HHAT: variants seen among roughly 807,000 people sequenced by gnomAD.
HHAT encodes hedgehog acyltransferase.
In HHAT, 47 loss-of-function variants were observed where a neutral mutation model predicts 70.8. The observed-to-expected ratio is 0.66, with a 90% CI of 0.53 to 0.85. HHAT has a LOEUF of 0.85. HHAT is among the 40% of genes least tolerant of loss of function. The pLI, the probability that HHAT is intolerant of heterozygous loss-of-function variation, is 0.00. For synonymous variants in HHAT, 228 were observed against 247.6 expected, an observed-to-expected ratio of 0.92 and a Z score of 0.74; for missense variants, 609 against 604.8, an observed-to-expected ratio of 1.01 and a Z score of -0.07.
intron 9 of HHAT, among the ~76,000 whole-genome samples, chr1:210,515,084 G>A (rs1342209722): frequency 6.6e-6 from 1 of 152,212 alleles, no homozygotes; most frequent in Non-Finnish European, 1.5e-5. Context: ...AGTGTTCTGT[G>A]AAGCAAGCAG....
At chr1:210,647,453 A>T (rs1674291615) in intron 11 of HHAT, among the ~76,000 whole-genome samples, 1 of 152,128 alleles carries the variant, frequency 6.6e-6, no homozygotes, top group Non-Finnish European at 1.5e-5. Flanking sequence ...TCCAGCCAGG[A>T]TGCCTATCTC....
intron 3 of HHAT, among the ~76,000 whole-genome samples, chr1:210,365,309 G>GGTT (rs2088807183): frequency 1.3e-5 from 1 of 78,420 alleles, no homozygotes; most frequent in African/African-American, 5.2e-5. Context: ...ACTGCTGACA[G>GGTT]TTTTTTTTTT....
chr1:210,351,650 C>T (rs1348666320), intron 2 of HHAT, among the ~76,000 whole-genome samples: 7 of 152,206 alleles, frequency 4.6e-5, no homozygotes, highest in African/African-American at 1.7e-4. Context: ...TGGGCTCACT[C>T]ATCCAGGGTG....
chr1:210,562,656 T>G (rs1401863946), intron 9 of HHAT, among the ~76,000 whole-genome samples: 2 of 151,590 alleles, frequency 1.3e-5, no homozygotes, highest in East Asian at 3.9e-4. Context: ...TTTTTTCTTT[T>G]CTTTTTTTTT....
intron 11 of HHAT, among the ~76,000 whole-genome samples, chr1:210,650,030 C>T (rs1026554803): frequency 3.3e-5 from 5 of 152,110 alleles, no homozygotes; most frequent in African/African-American, 1.2e-4. Context: ...AGAGTTTTTC[C>T]CCTGCCTCCC....
At chr1:210,352,482 CT>C (rs1390287206) in intron 2 of HHAT, among the ~76,000 whole-genome samples, 2 of 152,100 alleles carry the variant, frequency 1.3e-5, no homozygotes, top group Non-Finnish European at 2.9e-5. Context: ...TTACTCTGAA[CT>C]TTTTTAGGGC....
At chr1:210,562,072 G>A (rs538443843) in intron 9 of HHAT, among the ~76,000 whole-genome samples, 2 of 152,234 alleles carry the variant, frequency 1.3e-5, no homozygotes, top group East Asian at 3.9e-4. Context: ...CAGAGCACTG[G>A]TGTCATGGGC....
intron 3 of HHAT, among the ~76,000 whole-genome samples, chr1:210,364,027 C>T (rs1323854979): frequency 6.6e-6 from 1 of 152,168 alleles, no homozygotes; most frequent in Admixed American, 6.5e-5. Context: ...GCTAGGGTAG[C>T]CTGTTCCTTT....
intron 9 of HHAT, among the ~76,000 whole-genome samples, chr1:210,537,167 A>G (rs2095381669): frequency 6.6e-6 from 1 of 152,196 alleles, no homozygotes; most frequent in African/African-American, 2.4e-5. Context: ...ACTGAAAAGT[A>G]GGGCTGGACT....
intron 3 of HHAT, among the ~76,000 whole-genome samples, chr1:210,366,910 G>T (rs4845007): frequency 0.16 from 23,984 of 152,158 alleles, 2,298 homozygotes; most frequent in Admixed American, 0.25. Context: ...AGCTGAGCTT[G>T]GTGCTCATAG....
intron 8 of HHAT, among the ~76,000 whole-genome samples, chr1:210,468,310 A>G (rs1360456875): frequency 1.3e-5 from 2 of 152,064 alleles, no homozygotes; most frequent in African/African-American, 2.4e-5. Context: ...ACCTGATCCT[A>G]TTTTCGTGAT....
At chr1:210,450,248 G>A (rs993222549) in intron 7 of HHAT, among the ~76,000 whole-genome samples, 25 of 147,978 alleles carry the variant, frequency 1.7e-4, no homozygotes, top group African/African-American at 6.2e-4. Flanking sequence ...CCAAGATTGC[G>A]CCACTGCACT....
intron 10 of HHAT, among the ~76,000 whole-genome samples, chr1:210,619,691 G>A (rs1315623306): frequency 6.6e-6 from 1 of 152,106 alleles, no homozygotes; most frequent in Non-Finnish European, 1.5e-5. Flanking sequence ...ACATTGCCTT[G>A]TAGTCATTGA....
intron 5 of HHAT, among the ~76,000 whole-genome samples, chr1:210,403,533 T>G (rs1008934275): frequency 6.6e-6 from 1 of 152,216 alleles, no homozygotes; most frequent in East Asian, 1.9e-4. Flanking sequence ...TCTCCTGATA[T>G]GATTATCCTC....
chr1:210,396,366 A>T (rs907891514), intron 4 of HHAT, among the ~76,000 whole-genome samples: 1 of 152,198 alleles, frequency 6.6e-6, no homozygotes, highest in Non-Finnish European at 1.5e-5. Flanking sequence ...AGCATGATAA[A>T]TTCAAATTAA....
At chr1:210,491,274 G>T (rs2148513578) in intron 8 of HHAT, among the ~76,000 whole-genome samples, 1 of 152,222 alleles carries the variant, frequency 6.6e-6, no homozygotes, top group South Asian at 2.1e-4. Context: ...CTCTCCCTCT[G>T]TGCTGTCACA....
In HHAT at chr1:210,418,204, C is replaced by G. The variant is rs1186485219; in HGVS notation, c.735C>G (p.Ala245=). 1 of 1,614,104 alleles carries G rather than the reference C, an allele frequency of 6.2e-7. No homozygotes were observed. The highest frequency in any genetic ancestry group is 2.2e-5 in the East Asian group (1 of 44,870). Residue 245 remains alanine (A), a synonymous_variant, in exon 7 of 12, where the codon GCC becomes GCG. Transcript: ENST00000261458. ...TGAAGGCCAGCCTGTGTGTCCTGGCCCTGGGGCTGGGCCGCCTTCTTTGCT... is the reference window on the plus strand; with the variant it reads ...TGAAGGCCAGCCTGTGTGTCCTGGCGCTGGGGCTGGGCCGCCTTCTTTGCT... ...DSLKASLCVL[A]LGLGRLLCWW...
intron 11 of HHAT, among the ~76,000 whole-genome samples, chr1:210,626,633 G>A (rs1023907100): frequency 1.3e-5 from 2 of 152,042 alleles, no homozygotes; most frequent in African/African-American, 2.4e-5. Context: ...GATATCTCTT[G>A]GAGGAAAGTG....
chr1:210,583,494 A>AT lies in HHAT; in HGVS notation c.1044-4404_1044-4403insT, dbSNP rs111749511. Among the ~76,000 whole-genome samples the AT allele has an allele frequency of 5.8e-4, 88 of 152,372 alleles. 1 individual carries two copies. Among genetic ancestry groups the AT allele is most frequent in the African/African-American group, 2.1e-3 (86 of 41,600 alleles). On this transcript the variant is annotated intron_variant, in intron 9 of 11. Transcript: ENST00000261458. ...TTCATACTATTGCTTTTCTAAAAAA[A>AT]GAGACATGTTTCTGTTTTTATTAAT...
Sources: gnomAD v4.1 joint callset for allele counts (sites outside exome capture counted in the v4.1 genomes callset) on GRCh38, gnomAD v4.1.1 for gene constraint, MANE v1.5 for transcripts, NCBI Gene and HGNC (gene_info 2026-07-23, HGNC 2026-07-21) for gene names.